Variants in MRPL1 observed in about 807,000 individuals in gnomAD.
The protein encoded by MRPL1 is large ribosomal subunit protein uL1m.
Under a neutral mutation model 38.0 loss-of-function variants are expected in MRPL1, and 28 were observed. The observed-to-expected ratio is 0.74, with a 90% CI of 0.55 to 1.01. The LOEUF (loss-of-function observed/expected upper bound fraction) is 1.01, where lower values mean the gene tolerates loss of function less well. Among genes scored for constraint, MRPL1 ranks in the 50% least tolerant of loss-of-function variants. The pLI is 0.00. For missense variants in MRPL1, 358 were observed against 389.8 expected (o/e 0.92, Z 0.69); for synonymous variants, 123 against 126.7 (o/e 0.97, Z 0.20).
intron 2 of MRPL1, among the ~76,000 whole-genome samples, chr4:77,881,505 A>G (rs1462093481): frequency 6.8e-6 from 1 of 147,974 alleles, no homozygotes; most frequent in Non-Finnish European, 1.5e-5. Flanking sequence ...GTGCACTGAC[A>G]TAATCAGCTC....
intron 7 of MRPL1, among the ~76,000 whole-genome samples, chr4:77,938,911 C>T (rs1372075169): frequency 1.3e-5 from 2 of 152,266 alleles, no homozygotes; most frequent in East Asian, 3.9e-4. Flanking sequence ...GTCCCCTGAT[C>T]CACCTTTTAT....
intron 1 of MRPL1, 191 bp downstream of exon 1, chr4:77,863,070 C>T: frequency 1.5e-6 from 1 of 656,664 alleles, no homozygotes; most frequent in Non-Finnish European, 2.6e-6. Flanking sequence ...ATTCTGGAGA[C>T]GTCCACCCTG....
chr4:77,890,919 T>G (rs1449198830), intron 5 of MRPL1, among the ~76,000 whole-genome samples: 1 of 152,182 alleles, frequency 6.6e-6, no homozygotes, highest in Non-Finnish European at 1.5e-5. Flanking sequence ...AAATTTTCAT[T>G]TGGGGAACTT....
intron 4 of MRPL1, among the ~76,000 whole-genome samples, chr4:77,885,877 A>G (rs1735666059): frequency 6.6e-6 from 1 of 152,198 alleles, no homozygotes; most frequent in Non-Finnish European, 1.5e-5. Context: ...CATTACTAGA[A>G]TGCTACATTG....
chr4:77,899,026 T>TC (rs1244944907), intron 6 of MRPL1, among the ~76,000 whole-genome samples: 1 of 146,972 alleles, frequency 6.8e-6, no homozygotes, highest in African/African-American at 2.5e-5. Context: ...CAGAGTCTCG[T>TC]TCTGTCACCC....
At chr4:77,944,697 T>C (rs1737213518) in intron 7 of MRPL1, among the ~76,000 whole-genome samples, 2 of 152,202 alleles carry the variant, frequency 1.3e-5, no homozygotes, top group Non-Finnish European at 2.9e-5. Flanking sequence ...AAGGATTCAT[T>C]AGGCAGAGAG....
chr4:77,886,883 C>G (rs566529530), intron 4 of MRPL1, among the ~76,000 whole-genome samples: 34 of 150,868 alleles, frequency 2.3e-4, no homozygotes, highest in African/African-American at 7.8e-4. Flanking sequence ...TCCTCCCCCT[C>G]CTGGGTTCAA....
intron 1 of MRPL1, chr4:77,864,637 AATC>A (rs1373701227): frequency 1.3e-5 from 2 of 152,142 alleles, no homozygotes; most frequent in Non-Finnish European, 2.9e-5. Flanking sequence ...TCTTTTATGG[AATC>A]ATCATTTCTG....
chr4:77,905,690 A>G (rs910675028), intron 6 of MRPL1, among the ~76,000 whole-genome samples: 10 of 152,108 alleles, frequency 6.6e-5, no homozygotes, highest in Admixed American at 3.3e-4. Flanking sequence ...TCATCAATCT[A>G]TCACCTTTTT....
At chr4:77,952,408 T>C in intron 8 of MRPL1, 81 bp from the exon 9 acceptor site, 6 of 952,040 alleles carry the variant, frequency 6.3e-6, no homozygotes, top group Non-Finnish European at 1.0e-5. Context: ...AGTGACAATA[T>C]TAAGTGAGGA....
intron 1 of MRPL1, among the ~76,000 whole-genome samples, chr4:77,867,967 A>C (rs532157705): frequency 2.0e-5 from 3 of 151,774 alleles, no homozygotes; most frequent in African/African-American, 7.3e-5. Flanking sequence ...CGTGTTAGCC[A>C]GGATGGTCTT....
chr4:77,867,025 C>A (rs1438392487), intron 1 of MRPL1, among the ~76,000 whole-genome samples: 1 of 152,144 alleles, frequency 6.6e-6, no homozygotes, highest in African/African-American at 2.4e-5. Context: ...GGATTACAGG[C>A]ATGAGCCACC....
intron 3 of MRPL1, among the ~76,000 whole-genome samples, chr4:77,884,173 T>G (rs1026981248): frequency 1.3e-5 from 2 of 151,134 alleles, no homozygotes; most frequent in Non-Finnish European, 2.9e-5. Flanking sequence ...ATTAGCTCAG[T>G]GTCCTTCAGA....
intron 2 of MRPL1, among the ~76,000 whole-genome samples, chr4:77,875,804 G>A (rs746452030): frequency 6.6e-6 from 1 of 152,078 alleles, no homozygotes; most frequent in African/African-American, 2.4e-5. Flanking sequence ...CAAGAAAGGA[G>A]GCTTCCTTTG....
chr4:77,887,096 C>CAATTAAA, intron 4 of MRPL1, 124 bp from the exon 5 acceptor site: 4 of 816,922 alleles, frequency 4.9e-6, no homozygotes, highest in Non-Finnish European at 7.9e-6. Flanking sequence ...GCCACATTTT[C>CAATTAAA]AATTAAAAAT....
intron 1 of MRPL1, among the ~76,000 whole-genome samples, chr4:77,865,190 G>C (rs1735100157): frequency 6.6e-6 from 1 of 152,052 alleles, no homozygotes; most frequent in South Asian, 2.1e-4. Context: ...ATGCCCAGCC[G>C]ATTATTGTCT....
At chr4:77,885,503 A>G (rs1735656900) in intron 4 of MRPL1, among the ~76,000 whole-genome samples, 164 bp downstream of exon 4, 1 of 152,110 alleles carries the variant, frequency 6.6e-6, no homozygotes, top group African/African-American at 2.4e-5. Flanking sequence ...AGTAGCTGGG[A>G]CTACAGGTGT....
intron 2 of MRPL1, among the ~76,000 whole-genome samples, chr4:77,875,999 G>A (rs1004608261): frequency 2.0e-5 from 3 of 152,104 alleles, no homozygotes; most frequent in African/African-American, 7.2e-5. Flanking sequence ...TTGAGATGGA[G>A]TCTTGCTCTG....
At position 77,872,551 on chromosome 4, in the gene MRPL1, G is replaced by A. The variant is rs150864286; in HGVS notation, c.143+696G>A. ...GTTCGAGACCAGCCTAGCCAACGTG[G>A]TGAAACCCCGTGTCTACTAAAAATA... On this transcript the variant is annotated intron_variant, in intron 2 of 8. Transcript: ENST00000315567. Among the ~76,000 whole-genome samples, 1,029 of 152,210 alleles carry A rather than the reference G, an allele frequency of 6.8e-3. 10 individuals carry two copies. The highest frequency in any genetic ancestry group is 0.023 in the African/African-American group (947 of 41,534).
Sources: gnomAD v4.1 joint callset for allele counts (sites outside exome capture counted in the v4.1 genomes callset) on GRCh38, gnomAD v4.1.1 for gene constraint, MANE v1.5 for transcripts, NCBI Gene and HGNC (gene_info 2026-07-23, HGNC 2026-07-21) for gene names.